The following PAIP1 variants were observed in gnomAD, a reference collection of about 807,000 sequenced individuals.
The protein encoded by PAIP1 is polyadenylate-binding protein-interacting protein 1.
In PAIP1, 16 loss-of-function variants were observed where a neutral mutation model predicts 61.3. That is an observed-to-expected ratio of 0.26 (90% CI 0.18 to 0.40). The LOEUF (loss-of-function observed/expected upper bound fraction) is 0.40, where lower values mean the gene tolerates loss of function less well. Among genes scored for constraint, PAIP1 ranks in the 10% least tolerant of loss-of-function variants. The pLI, the probability that PAIP1 is intolerant of heterozygous loss-of-function variation, is 1.00. For synonymous variants in PAIP1, 187 were observed against 226.2 expected, an observed-to-expected ratio of 0.83 and a Z score of 1.56; for missense variants, 416 against 600.9, an observed-to-expected ratio of 0.69 and a Z score of 3.22.
At chr5:43,547,608 C>T in intron 3 of PAIP1, 120 bp downstream of exon 3, 1 of 653,996 alleles carries the variant, frequency 1.5e-6, no homozygotes, top group South Asian at 2.2e-5. Flanking sequence ...CTCCCGGAAA[C>T]TATAAAGAGT....
chr5:43,550,757 T>C (rs983287569), intron 2 of PAIP1, among the ~76,000 whole-genome samples: 1 of 132,240 alleles, frequency 7.6e-6, no homozygotes, highest in East Asian at 2.2e-4. Flanking sequence ...ATATCTGCCA[T>C]GAATAAAGCA....
At position 43,536,086 on chromosome 5, in the gene PAIP1, T is replaced by G. The variant is rs544715365; in HGVS notation, c.973-446A>C. On this transcript the variant is annotated intron_variant, in intron 6 of 10. Transcript: ENST00000306846. Reference sequence around the variant, plus strand: ...ATAATAAACAAATGGCTAATAAACATGAAGAAATGCTTAAAATCATCTGAC... The same window carrying G: ...ATAATAAACAAATGGCTAATAAACAGGAAGAAATGCTTAAAATCATCTGAC... Among the ~76,000 whole-genome samples, 10 of 151,348 alleles carry G rather than the reference T, an allele frequency of 6.6e-5. No individual in the cohort carries two copies. In the South Asian group the frequency reaches 2.1e-3, roughly 31 times the overall value.
intron 9 of PAIP1, among the ~76,000 whole-genome samples, chr5:43,531,216 T>G (rs1040829172): frequency 2.0e-5 from 3 of 151,564 alleles, no homozygotes; most frequent in African/African-American, 7.3e-5. Context: ...AACAAAAAAT[T>G]TGTCCAAGTC....
chr5:43,536,316 G>A (rs1253647842), intron 6 of PAIP1, among the ~76,000 whole-genome samples: 1 of 152,158 alleles, frequency 6.6e-6, no homozygotes, highest in Non-Finnish European at 1.5e-5. Context: ...TATATGACAA[G>A]AGGAAAGATT....
chr5:43,539,058 T>C, intron 4 of PAIP1, 23 bp from the exon 5 acceptor site: 2 of 1,393,456 alleles, frequency 1.4e-6, no homozygotes, highest in East Asian at 2.3e-5. Flanking sequence ...ATATCTTTTA[T>C]AATCTCACAT....
chr5:43,556,439 C>A (rs183058567), intron 1 of PAIP1, 143 bp downstream of exon 1: 1 of 1,208,282 alleles, frequency 8.3e-7, no homozygotes, highest in Admixed American at 4.2e-5. Context: ...CCCGTCCCTA[C>A]CCGGTCACGC....
intron 3 of PAIP1, among the ~76,000 whole-genome samples, chr5:43,544,191 CA>C (rs1481733003): frequency 7.2e-6 from 1 of 139,484 alleles, no homozygotes; most frequent in Non-Finnish European, 1.6e-5. Context: ...GACTTGGCCA[CA>C]AATGTAATTG....
intron 2 of PAIP1, among the ~76,000 whole-genome samples, chr5:43,553,702 C>A (rs1747954627): frequency 6.6e-6 from 1 of 152,112 alleles, no homozygotes; most frequent in East Asian, 1.9e-4. Flanking sequence ...TTAGGGTAAA[C>A]CAGTAAGGCT....
chr5:43,539,837 C>G (rs1372864851), intron 4 of PAIP1, among the ~76,000 whole-genome samples: 1 of 152,130 alleles, frequency 6.6e-6, no homozygotes, highest in African/African-American at 2.4e-5. Context: ...GATATTGTTA[C>G]TAACATAGAT....
chr5:43,540,895 G>A (rs979413912), intron 4 of PAIP1, among the ~76,000 whole-genome samples: 7 of 152,048 alleles, frequency 4.6e-5, no homozygotes, highest in South Asian at 4.2e-4. Context: ...CAGGATCTCG[G>A]CTTTAAGTAT....
At chr5:43,556,531 G>A in intron 1 of PAIP1, 51 bp downstream of exon 1, 5 of 1,237,608 alleles carry the variant, frequency 4.0e-6, no homozygotes, top group Non-Finnish European at 5.1e-6. Context: ...GTGGAGGGCC[G>A]TGGGGAAGCG....
At chr5:43,555,200 C>G (rs1431171082) in intron 2 of PAIP1, among the ~76,000 whole-genome samples, 1 of 152,156 alleles carries the variant, frequency 6.6e-6, no homozygotes, top group Non-Finnish European at 1.5e-5. Flanking sequence ...TGAGTGTTCA[C>G]TTTATGAGAC....
In PAIP1 at chr5:43,556,688, G is replaced by C. The variant is rs921963831; in HGVS notation, c.159C>G (p.Phe53Leu). 1 of 1,293,996 alleles carries C rather than the reference G, an allele frequency of 7.7e-7. No homozygotes were observed. Among genetic ancestry groups the C allele is most frequent in the Non-Finnish European group, 9.8e-7 (1 of 1,023,626 alleles). 80.2% of individuals were successfully genotyped at this position (1,293,996 alleles called of 1,614,324 possible). A position where few individuals can be genotyped will look rare whatever the true frequency, so the allele number is the denominator to read the frequency against. ...HQPPQPKAPG[F>L]LQPPPLRQPR... ...GCTGGCGCAGCGGCGGTGGCTGCAG[G>C]AAGCCCGGGGCTTTGGGTTGCGGCG... The change falls in exon 1 of 11, where the codon TTC becomes TTG. Residue 53 changes from phenylalanine (F) to leucine (L), a missense_variant. Physicochemically the swap from Phe to Leu is conservative, Grantham distance 22. This residue lies in a region of PAIP1 where 4 missense variants were observed against 16.4 expected (regional missense o/e 0.24). Transcript: ENST00000306846.
intron 4 of PAIP1, 36 bp downstream of exon 4, chr5:43,542,967 AG>A: frequency 9.6e-7 from 1 of 1,041,980 alleles, no homozygotes; most frequent in South Asian, 1.3e-5. Flanking sequence ...TAGTATATTT[AG>A]AAGTAGTTTT....
chr5:43,527,807 C>G (rs993782457), intron 10 of PAIP1, among the ~76,000 whole-genome samples: 1 of 152,178 alleles, frequency 6.6e-6, no homozygotes, highest in African/African-American at 2.4e-5. Flanking sequence ...ACCTTACCAA[C>G]AAACAATTAG....
At chr5:43,533,337 G>A (rs1358238291) in intron 9 of PAIP1, among the ~76,000 whole-genome samples, 1 of 152,188 alleles carries the variant, frequency 6.6e-6, no homozygotes, top group Non-Finnish European at 1.5e-5. Context: ...AATGAAATGT[G>A]TAATTCTTCG....
intron 2 of PAIP1, among the ~76,000 whole-genome samples, chr5:43,554,367 A>T (rs780470730): frequency 1.3e-5 from 2 of 152,158 alleles, no homozygotes; most frequent in African/African-American, 2.4e-5. Context: ...TGTGAGCTAA[A>T]TACAATTTTC....
chr5:43,553,420 C>G (rs1054089056), intron 2 of PAIP1, among the ~76,000 whole-genome samples: 2 of 152,158 alleles, frequency 1.3e-5, no homozygotes, highest in African/African-American at 4.8e-5. Context: ...TGTCTGCAAA[C>G]TGAGCCAGGA....
chr5:43,548,649 G>A (rs1265853971), intron 2 of PAIP1, among the ~76,000 whole-genome samples: 1 of 152,130 alleles, frequency 6.6e-6, no homozygotes, highest in Non-Finnish European at 1.5e-5. Context: ...GAGTGGGCGA[G>A]TTTTACAAAA....
Sources: gnomAD v4.1 joint callset for allele counts (sites outside exome capture counted in the v4.1 genomes callset) on GRCh38, gnomAD v4.1.1 for gene constraint, gnomAD v4.1.1 regional missense constraint, MANE v1.5 for transcripts, NCBI Gene and HGNC (gene_info 2026-07-23, HGNC 2026-07-21) for gene names.